The following WDPCP variants were observed in gnomAD, a reference collection of about 807,000 sequenced individuals.
WDPCP encodes WD repeat-containing and planar cell polarity effector protein fritz homolog.
WDPCP carries 71 observed loss-of-function variants against 93.1 expected under a neutral mutation model. That is an observed-to-expected ratio of 0.76 (90% CI 0.63 to 0.93). The LOEUF (loss-of-function observed/expected upper bound fraction) is 0.93. WDPCP is among the 40% of genes least tolerant of loss of function. WDPCP has a pLI of 0.00. For missense variants in WDPCP, 844 were observed against 887.4 expected, an observed-to-expected ratio of 0.95 and a Z score of 0.62; for synonymous variants, 315 against 315.0, an observed-to-expected ratio of 1.00 and a Z score of 0.00.
At chr2:63,424,597 G>A (rs1696122866) in intron 9 of WDPCP, among the ~76,000 whole-genome samples, 1 of 152,226 alleles carries the variant, frequency 6.6e-6, no homozygotes, top group Admixed American at 6.5e-5. Context: ...GAGCGAAGCT[G>A]CAGGCCCAGT....
chr2:63,815,254 C>T (rs1670917776), intron 1 of WDPCP, among the ~76,000 whole-genome samples: 1 of 152,134 alleles, frequency 6.6e-6, no homozygotes, highest in Non-Finnish European at 1.5e-5. Flanking sequence ...TGAAGCCACT[C>T]ACCAGTTCCT....
chr2:63,599,188 C>G, intron 3 of WDPCP: 1 of 1,613,610 alleles, frequency 6.2e-7, no homozygotes, highest in Non-Finnish European at 8.5e-7. Flanking sequence ...TGTGGGTAAT[C>G]CAGCCAATAC....
Position 63,164,756 on chromosome 2 carries a change from A to T in WDPCP, c.2078+9914T>A, listed in dbSNP as rs570049804. ...TATGTATAAAGACGTAATTTATAAC[A>T]ACACAAAGGAGCAAGAGAGAGGAAT... On this transcript the variant is annotated intron_variant, in intron 15 of 17. Coordinates refer to ENST00000272321, the MANE Select transcript of WDPCP (RefSeq NM_015910.7). 3.3e-5 allele frequency among the ~76,000 whole-genome samples: 5 copies of T among 152,332 alleles called. No individual in the cohort carries two copies. In the East Asian group the frequency reaches 9.6e-4, roughly 29 times the overall value.
chr2:63,267,109 T>C (rs1460592262), intron 13 of WDPCP, among the ~76,000 whole-genome samples: 1 of 152,116 alleles, frequency 6.6e-6, no homozygotes, highest in Admixed American at 6.6e-5. Flanking sequence ...AAAAGCAGCA[T>C]AGTACTGGCA....
At chr2:63,581,754 C>T (rs1434382715) in intron 1 of WDPCP, among the ~76,000 whole-genome samples, 3 of 152,082 alleles carry the variant, frequency 2.0e-5, no homozygotes, top group Non-Finnish European at 4.4e-5. Context: ...GGCCTATAAT[C>T]CCAGCACTTT....
At chr2:63,324,068 C>T (rs188366168) in intron 12 of WDPCP, among the ~76,000 whole-genome samples, 2,438 of 152,170 alleles carry the variant, frequency 0.016, 55 homozygotes, top group African/African-American at 0.053. Flanking sequence ...TCATTTTTTT[C>T]TGCCCTACAG....
intron 13 of WDPCP, among the ~76,000 whole-genome samples, chr2:63,279,640 C>T (rs963300611): frequency 6.6e-6 from 1 of 152,140 alleles, no homozygotes; most frequent in Non-Finnish European, 1.5e-5. Context: ...AAATCAAGGG[C>T]ATCCAAATTG....
intron 13 of WDPCP, among the ~76,000 whole-genome samples, chr2:63,287,528 A>C (rs1684099638): frequency 5.3e-5 from 8 of 152,060 alleles, no homozygotes. Context: ...TGCTCCTCCC[A>C]ATTTTGGTAG....
intron 12 of WDPCP, among the ~76,000 whole-genome samples, chr2:63,369,693 T>C (rs185611548): frequency 1.5e-3 from 227 of 152,266 alleles, no homozygotes; most frequent in Non-Finnish European, 8.4e-4. Context: ...GTACAATGAA[T>C]CCAGTCTATT....
chr2:63,736,197 G>A (rs1354112858), intron 2 of WDPCP, among the ~76,000 whole-genome samples: 1 of 152,192 alleles, frequency 6.6e-6, no homozygotes, highest in African/African-American at 2.4e-5. Flanking sequence ...ATTCTGCTGT[G>A]GATATTCTAT....
intron 2 of WDPCP, among the ~76,000 whole-genome samples, chr2:63,671,475 T>A (rs944279209): frequency 6.6e-6 from 1 of 152,154 alleles, no homozygotes; most frequent in African/African-American, 2.4e-5. Flanking sequence ...CAGACTTGCT[T>A]TATTAGCCGA....
intron 1 of WDPCP, among the ~76,000 whole-genome samples, chr2:63,575,463 A>ACACTGTATATACAGTG (rs1575683412): frequency 1.4e-4 from 4 of 29,150 alleles, no homozygotes; most frequent in Admixed American, 8.2e-4. Flanking sequence ...TATACAGTAT[A>ACACTGTATATACAGTG]TATGCAGTAT....
chr2:63,378,123 C>T (rs960043842), intron 12 of WDPCP: 4 of 446,704 alleles, frequency 9.0e-6, no homozygotes, highest in African/African-American at 4.0e-5. Flanking sequence ...AATATTTCTA[C>T]ATTGACTTTA....
At chr2:63,428,928 A>G (rs1340548192) in intron 9 of WDPCP, among the ~76,000 whole-genome samples, 3 of 152,226 alleles carry the variant, frequency 2.0e-5, no homozygotes, top group Admixed American at 2.0e-4. Context: ...CCATGCTCAG[A>G]GATTGGAAGA....
chr2:63,586,730 T>C (rs1407299514), intron 1 of WDPCP, among the ~76,000 whole-genome samples: 1 of 152,218 alleles, frequency 6.6e-6, no homozygotes, highest in Non-Finnish European at 1.5e-5. Flanking sequence ...TCTGTATATC[T>C]GGACTGGATG....
intron 15 of WDPCP, among the ~76,000 whole-genome samples, chr2:63,170,781 T>C (rs1475297780): frequency 6.6e-6 from 1 of 152,216 alleles, no homozygotes; most frequent in African/African-American, 2.4e-5. Flanking sequence ...TTTGTGGTAT[T>C]GGCTATGTTT....
chr2:63,206,913 T>C (rs1038699861), intron 14 of WDPCP, among the ~76,000 whole-genome samples: 6 of 152,184 alleles, frequency 3.9e-5, no homozygotes, highest in Non-Finnish European at 5.9e-5. Context: ...TATACTCACA[T>C]TGATGGGCAA....
At chr2:63,544,131 C>A (rs1032762651) in intron 1 of WDPCP, among the ~76,000 whole-genome samples, 6 of 152,074 alleles carry the variant, frequency 3.9e-5, no homozygotes, top group African/African-American at 1.4e-4. Flanking sequence ...CAAAGAGTTT[C>A]TTCAAACTAT....
At chr2:63,420,534 CAAA>C (rs11287367) in intron 9 of WDPCP, among the ~76,000 whole-genome samples, 5 of 123,268 alleles carry the variant, frequency 4.1e-5, no homozygotes, top group East Asian at 2.2e-4. Context: ...AACTCCATCT[CAAA>C]AAAAAAAAAA....
Sources: gnomAD v4.1 joint callset for allele counts (sites outside exome capture counted in the v4.1 genomes callset) on GRCh38, gnomAD v4.1.1 for gene constraint, MANE v1.5 for transcripts, NCBI Gene and HGNC (gene_info 2026-07-23, HGNC 2026-07-21) for gene names.